The following SYT1 variants were observed in gnomAD, a reference collection of about 807,000 sequenced individuals.
The protein encoded by SYT1 is synaptotagmin-1.
Under a neutral mutation model 44.8 loss-of-function variants are expected in SYT1, and 8 were observed. That is an observed-to-expected ratio of 0.18 (90% CI 0.10 to 0.32). The LOEUF (loss-of-function observed/expected upper bound fraction) is 0.32. Ranked by LOEUF, SYT1 falls within the 10% of genes least tolerant of loss-of-function variation. SYT1 has a pLI of 1.00. For synonymous variants in SYT1, 154 were observed against 188.8 expected (o/e 0.82, Z 1.51); for missense variants, 286 against 509.3 (o/e 0.56, Z 4.22).
At chr12:79,151,607 G>A (rs1171437145) in intron 3 of SYT1, among the ~76,000 whole-genome samples, 1 of 152,184 alleles carries the variant, frequency 6.6e-6, no homozygotes, top group African/African-American at 2.4e-5. Context: ...CTAGTGGGAA[G>A]TTGACCAGGT....
chr12:79,263,960 T>C (rs570591070), intron 4 of SYT1, among the ~76,000 whole-genome samples: 1 of 152,106 alleles, frequency 6.6e-6, no homozygotes, highest in Admixed American at 6.6e-5. Context: ...AAAAATTGTG[T>C]GGTCCTAAGT....
At chr12:79,099,095 T>C (rs931834817) in intron 3 of SYT1, among the ~76,000 whole-genome samples, 1 of 152,162 alleles carries the variant, frequency 6.6e-6, no homozygotes, top group Admixed American at 6.6e-5. Flanking sequence ...AGTAACTCTG[T>C]TCAATCTTGG....
upstream of SYT1, chr12:78,864,013 T>G (rs2137022997): frequency 6.6e-6 from 1 of 152,282 alleles, no homozygotes; most frequent in South Asian, 2.1e-4. Flanking sequence ...CACCGCACCC[T>G]TCGCGGGAAG....
chr12:79,419,260 A>C (rs759162007), intron 9 of SYT1: 2 of 526,912 alleles, frequency 3.8e-6, no homozygotes, highest in Non-Finnish European at 7.8e-6. Flanking sequence ...GAGGTGTAGA[A>C]AGAAGGAAAT....
At chr12:79,048,254 A>G (rs1348675399) in intron 3 of SYT1, among the ~76,000 whole-genome samples, 1 of 151,850 alleles carries the variant, frequency 6.6e-6, no homozygotes, top group African/African-American at 2.4e-5. Context: ...GTCAAGTTCA[A>G]TGGAAAAAAA....
At chr12:79,095,405 A>G (rs1290722129) in intron 3 of SYT1, among the ~76,000 whole-genome samples, 4 of 151,784 alleles carry the variant, frequency 2.6e-5, no homozygotes, top group Non-Finnish European at 4.4e-5. Context: ...TTGCCAAAGG[A>G]GTCTTTAAGG....
rs564871876 is a variant in SYT1, at chr12:79,150,350, C to G, written c.-17-67153C>G. Among the ~76,000 whole-genome samples, 18 of 152,096 alleles carry G rather than the reference C, an allele frequency of 1.2e-4. No individual in the cohort carries two copies. The South Asian group carries it at 3.7e-3, about 32-fold the overall frequency. ...TATTCTAAGTAAAATAAGCAGGCAC[C>G]AAGAGATAAATATTGCATGGTCTCA... On this transcript the variant is annotated intron_variant, in intron 3 of 10. Coordinates refer to ENST00000261205, the MANE Select transcript of SYT1 (RefSeq NM_005639.3).
intron 1 of SYT1, among the ~76,000 whole-genome samples, chr12:78,915,550 A>G (rs1876603275): frequency 6.6e-6 from 1 of 152,088 alleles, no homozygotes; most frequent in Non-Finnish European, 1.5e-5. Context: ...TTTGAATTTA[A>G]TAAAATACAC....
chr12:79,084,795 T>C (rs1877269613), intron 3 of SYT1, among the ~76,000 whole-genome samples: 1 of 152,164 alleles, frequency 6.6e-6, no homozygotes, highest in South Asian at 2.1e-4. Flanking sequence ...TTTTTTGATG[T>C]GTATTATAGA....
At chr12:79,229,909 A>C (rs1349842420) in intron 4 of SYT1, among the ~76,000 whole-genome samples, 2 of 152,092 alleles carry the variant, frequency 1.3e-5, no homozygotes, top group Non-Finnish European at 2.9e-5. Context: ...AGTAGTTCTT[A>C]ATAGAGATGG....
rs183371053 is a variant in SYT1 at position 79,275,122 on chromosome 12, C to T, written c.167-10665C>T. Among the ~76,000 whole-genome samples, 146 of 152,168 alleles carry T rather than the reference C, an allele frequency of 9.6e-4. 1 individual carries two copies. The highest frequency in any genetic ancestry group is 3.3e-3 in the African/African-American group (137 of 41,526). On this transcript the variant is annotated intron_variant, in intron 4 of 10. Coordinates refer to ENST00000261205, the MANE Select transcript of SYT1 (RefSeq NM_005639.3). ...GGAGTGCACCACACCAAGGGAGCAC[C>T]CCACAGGACAAAAGAAACCAGAGAG...
intron 1 of SYT1, among the ~76,000 whole-genome samples, chr12:78,962,982 C>T (rs562878606): frequency 4.6e-5 from 7 of 152,200 alleles, no homozygotes; most frequent in African/African-American, 1.2e-4. Context: ...CCCCTAGTCT[C>T]GGGCAACCAC....
At chr12:79,039,956 C>A (rs1243413530) in intron 2 of SYT1, among the ~76,000 whole-genome samples, 5 of 147,216 alleles carry the variant, frequency 3.4e-5, no homozygotes, top group Admixed American at 6.8e-5. Context: ...ATGAACTCAT[C>A]ATTTTTTATG....
intron 2 of SYT1, among the ~76,000 whole-genome samples, chr12:78,998,985 C>T (rs746431897): frequency 6.6e-6 from 1 of 152,006 alleles, no homozygotes. Flanking sequence ...TGAAATAAAG[C>T]GTGGTGATAA....
At chr12:79,291,815 G>A (rs1879598396) in intron 5 of SYT1, 193 bp from the exon 6 acceptor site, 4 of 746,752 alleles carry the variant, frequency 5.4e-6, no homozygotes, top group Non-Finnish European at 9.2e-6. Flanking sequence ...TTGCTGATTG[G>A]GGAAAGAAAT....
At chr12:79,150,955 G>A (rs963100331) in intron 3 of SYT1, among the ~76,000 whole-genome samples, 15 of 151,974 alleles carry the variant, frequency 9.9e-5, no homozygotes, top group Non-Finnish European at 5.9e-5. Context: ...GAAAATAAAG[G>A]GGAGCATGAT....
intron 9 of SYT1, among the ~76,000 whole-genome samples, chr12:79,375,963 A>C (rs1297634632): frequency 2.0e-5 from 3 of 152,222 alleles, no homozygotes; most frequent in African/African-American, 7.2e-5. Context: ...TGTATCATTT[A>C]TTTAAAACTT....
intron 3 of SYT1, among the ~76,000 whole-genome samples, chr12:79,111,378 C>G (rs1878999597): frequency 6.6e-6 from 1 of 152,002 alleles, no homozygotes; most frequent in African/African-American, 2.4e-5. Context: ...TCTACCTCTC[C>G]CTCACTTCAG....
chr12:79,304,621 A>T (rs1565899345), intron 8 of SYT1, among the ~76,000 whole-genome samples: 1 of 152,064 alleles, frequency 6.6e-6, no homozygotes, highest in Non-Finnish European at 1.5e-5. Flanking sequence ...AGATTACCTT[A>T]ATTTTTATTT....
Sources: allele counts gnomAD v4.1 joint callset (sites outside exome capture counted in the v4.1 genomes callset), GRCh38; gene constraint gnomAD v4.1.1; transcripts MANE v1.5; gene names NCBI Gene and HGNC (gene_info 2026-07-23, HGNC 2026-07-21).